Variants in PARP14 observed in about 807,000 individuals in gnomAD.
The protein encoded by PARP14 is protein mono-ADP-ribosyltransferase PARP14.
A neutral mutation model predicts 154.2 loss-of-function variants in PARP14; 59 were observed. The ratio of observed to expected loss-of-function variants is 0.38; its 90% CI spans 0.31 to 0.48. The LOEUF is 0.48. PARP14 is among the 20% of genes least tolerant of loss of function. The probability of loss-of-function intolerance (pLI) is 0.98; values close to 1 mark genes in which losing one functional copy is unlikely to be tolerated. For synonymous variants in PARP14, 720 were observed against 780.5 expected, an observed-to-expected ratio of 0.92 and a Z score of 1.29; for missense variants, 1,734 against 2,131.6, an observed-to-expected ratio of 0.81 and a Z score of 3.67.
intron 4 of PARP14, among the ~76,000 whole-genome samples, chr3:122,694,627 C>T (rs1303028350): frequency 6.6e-6 from 1 of 152,160 alleles, no homozygotes; most frequent in Non-Finnish European, 1.5e-5. Flanking sequence ...ACAAGTGATT[C>T]TCCTGCCTCA....
At position 122,699,676 on chromosome 3, in the gene PARP14, T is replaced by A; in HGVS notation, c.1122T>A (p.Asn374Lys). ...VTIRPAATLV[N>K]EGRPRIKTWQ... ...TCAGACCAGCAGCCACCTTAGTCAA[T>A]GAAGGAAGACCGAGAATCAAGACCT... Residue 374 changes from asparagine to lysine, a missense_variant, in exon 6 of 17, where the codon AAT (asparagine) becomes AAA (lysine). By Grantham distance (94) the Asn-to-Lys change is moderately conservative. Around this residue, in one of 2 missense-constraint regions of PARP14, gnomAD observed 1,646 missense variants for 1,976.0 expected, o/e 0.83. Coordinates refer to ENST00000474629, the MANE Select transcript of PARP14 (RefSeq NM_017554.3). The A allele has an allele frequency of 6.2e-7, 1 of 1,614,014 alleles. No homozygotes were observed. Among genetic ancestry groups the A allele is most frequent in the Non-Finnish European group, 8.5e-7 (1 of 1,179,888 alleles).
At position 122,718,943 on chromosome 3, in the gene PARP14, C is replaced by T. The variant is rs1933077348; in HGVS notation, c.4792C>T (p.Leu1598Phe). 1 of 1,580,826 alleles carries T rather than the reference C, an allele frequency of 6.3e-7. No individual in the cohort carries two copies. The highest frequency in any genetic ancestry group is 1.4e-5 in the African/African-American group (1 of 73,476). The change falls in exon 14 of 17, where the codon CTC becomes TTC. Residue 1598 changes from leucine to phenylalanine, a missense_variant. Physicochemically the swap from Leu to Phe is conservative, Grantham distance 22. Coordinates refer to ENST00000474629, the MANE Select transcript of PARP14 (RefSeq NM_017554.3). The stretch of plus-strand genomic sequence containing the variant: ...GGGCCACAGTTTATCTGTTCAGCGC[C>T]TCACGAAATCCAAAGGTGAGTTAAA... ...TKGHSLSVQR[L>F]TKSKVDIPAH...
chr3:122,704,537 A>G lies in PARP14; in HGVS notation c.3329A>G (p.Asp1110Gly), dbSNP rs760265082. 3.8e-6 allele frequency: 6 copies of G among 1,589,762 alleles called. No homozygotes were observed. The Admixed American group carries it at 1.0e-4, about 27-fold the overall frequency. ...CTTTGTGCGTTTCAGATAATGGAAG[A>G]CATAATCAGAGAATGTATGGAGATC... Reference protein sequence around the residue: ...GSTSSLKIMEDIIRECMEITE... With the variant: ...GSTSSLKIMEGIIRECMEITE... Residue 1110 changes from aspartate (D) to glycine (G), a missense_variant, in exon 8 of 17, where the codon GAC becomes GGC. Physicochemically the swap from Asp to Gly is moderately conservative, Grantham distance 94. This residue lies in a region of PARP14 where 1,646 missense variants were observed against 1,976.0 expected (regional missense o/e 0.83). Coordinates refer to ENST00000474629, the MANE Select transcript of PARP14 (RefSeq NM_017554.3).
intron 12 of PARP14, 55 bp downstream of exon 12, chr3:122,714,484 A>G: frequency 7.1e-7 from 1 of 1,404,266 alleles, no homozygotes; most frequent in South Asian, 1.5e-5. Context: ...TTTCCCTTTC[A>G]TTTGGAGCTG....
At chr3:122,695,340 A>T in intron 4 of PARP14, 86 bp from the exon 5 acceptor site, 1 of 694,868 alleles carries the variant, frequency 1.4e-6, no homozygotes, top group Non-Finnish European at 2.4e-6. Flanking sequence ...TTTTATTTCA[A>T]TTAGTAGCCA....
intron 3 of PARP14, among the ~76,000 whole-genome samples, chr3:122,690,793 T>TTTGG (rs1938517014): frequency 6.6e-6 from 1 of 152,232 alleles, no homozygotes; most frequent in South Asian, 2.1e-4. Context: ...ATTACAGGCA[T>TTTGG]GAGCCACTGC....
chr3:122,717,976 A>G (rs1007967459), intron 12 of PARP14, 95 bp from the exon 13 acceptor site: 1 of 892,704 alleles, frequency 1.1e-6, no homozygotes, highest in African/African-American at 1.7e-5. Context: ...AGGAGTGGGC[A>G]TTTATTCTCT....
intron 15 of PARP14, among the ~76,000 whole-genome samples, chr3:122,726,294 A>C (rs1933284649): frequency 6.6e-6 from 1 of 151,452 alleles, no homozygotes; most frequent in Non-Finnish European, 1.5e-5. Context: ...GAATTCTCTC[A>C]GTTTTTATTT....
chr3:122,714,464 A>G (rs1932932974), intron 12 of PARP14, 35 bp downstream of exon 12: 2 of 1,497,682 alleles, frequency 1.3e-6, no homozygotes, highest in African/African-American at 1.4e-5. Context: ...CTAAATCCCA[A>G]GCCATCTACT....
At chr3:122,709,720 A>G (rs556014894) in intron 9 of PARP14, among the ~76,000 whole-genome samples, 2 of 152,096 alleles carry the variant, frequency 1.3e-5, no homozygotes, top group Non-Finnish European at 2.9e-5. Flanking sequence ...TCTTGACTTA[A>G]GTTATGGCCA....
At chr3:122,711,348 A>G (rs951224477) in intron 9 of PARP14, among the ~76,000 whole-genome samples, 6 of 152,102 alleles carry the variant, frequency 3.9e-5, no homozygotes, top group African/African-American at 7.2e-5. Flanking sequence ...AGATGATTAT[A>G]TGATTTTTGT....
chr3:122,690,194 T>C (rs1451289858), intron 3 of PARP14, among the ~76,000 whole-genome samples: 1 of 152,214 alleles, frequency 6.6e-6, no homozygotes. Flanking sequence ...ACTATATTGC[T>C]GGAAAGATTC....
chr3:122,711,739 T>A lies in PARP14; in HGVS notation c.3620-1685T>A, dbSNP rs190931316. ...CTTTTTTGTTGTTGGCAATTTTTTT[T>A]AATTACTAGTTCAGTCTTGCTGCTT... On this transcript the variant is annotated intron_variant, in intron 9 of 16. Coordinates refer to ENST00000474629, the MANE Select transcript of PARP14 (RefSeq NM_017554.3). Among the ~76,000 whole-genome samples the A allele has an allele frequency of 3.6e-3, 551 of 152,308 alleles. 4 individuals carry two copies. The highest frequency in any genetic ancestry group is 8.8e-3 in the African/African-American group (366 of 41,580).
Position 122,699,917 on chromosome 3 carries a change from A to C in PARP14, c.1363A>C (p.Ser455Arg), listed in dbSNP as rs751064155. Reference protein sequence around the residue: ...IEVQVRELIESTTQKIKREEQ... With the variant: ...IEVQVRELIERTTQKIKREEQ... ...GGTACAAGTCAGGGAGTTAATAGAA[A>C]GCACTACTCAAAAAATTAAAAGGGA... Residue 455 changes from serine (S) to arginine (R), a missense_variant, in exon 6 of 17, where the codon AGC becomes CGC. By Grantham distance (110) the Ser-to-Arg change is moderately radical. Coordinates refer to ENST00000474629, the MANE Select transcript of PARP14 (RefSeq NM_017554.3). 3.1e-6 allele frequency: 5 copies of C among 1,614,042 alleles called. No homozygotes were observed. The South Asian group carries it at 5.5e-5, about 18-fold the overall frequency.
At chr3:122,720,944 A>C (rs1388683727) in intron 15 of PARP14, 2 of 362,378 alleles carry the variant, frequency 5.5e-6, no homozygotes, top group South Asian at 3.9e-5. Context: ...CTGCTCTCAA[A>C]TAAAAACAAC....
At chr3:122,709,900 T>TG (rs373927101) in intron 9 of PARP14, among the ~76,000 whole-genome samples, 2,477 of 150,790 alleles carry the variant, frequency 0.016, 32 homozygotes, top group African/African-American at 0.042. Context: ...TTGTTTTTTT[T>TG]TTTGTTTGTT....
intron 3 of PARP14, among the ~76,000 whole-genome samples, chr3:122,692,022 A>G (rs1245024701): frequency 6.6e-6 from 1 of 152,224 alleles, no homozygotes; most frequent in Non-Finnish European, 1.5e-5. Context: ...ACCAGCAATA[A>G]ATGAAAATCT....
intron 12 of PARP14, among the ~76,000 whole-genome samples, chr3:122,716,751 C>G (rs1286894905): frequency 6.6e-6 from 1 of 152,210 alleles, no homozygotes; most frequent in African/African-American, 2.4e-5. Flanking sequence ...CCGCTCCATG[C>G]TTCCTCCATA....
chr3:122,727,976 C>T lies in PARP14; in HGVS notation c.5106C>T (p.Ala1702=), dbSNP rs536412265. Residue 1702 remains alanine (A), a synonymous_variant, in exon 16 of 17, where the codon GCC becomes GCT. Coordinates refer to ENST00000474629, the MANE Select transcript of PARP14 (RefSeq NM_017554.3). ...GAAATGGCTTTAACCGCAGCTATGC[C>T]GGAAAGAATGGTAAGGAAGCGAGTA... The part of the protein sequence containing the change: ...VNRNGFNRSY[A]GKNAVAYGKG... 58 of 1,608,920 alleles carry T rather than the reference C, an allele frequency of 3.6e-5. No homozygotes were observed. In the African/African-American group the frequency reaches 4.2e-4, roughly 12 times the overall value.
Sources: gnomAD v4.1 joint callset for allele counts (sites outside exome capture counted in the v4.1 genomes callset) on GRCh38, gnomAD v4.1.1 for gene constraint, gnomAD v4.1.1 regional missense constraint, MANE v1.5 for transcripts, NCBI Gene and HGNC (gene_info 2026-07-23, HGNC 2026-07-21) for gene names.